The following RSRC1 variants were observed in gnomAD, a reference collection of about 807,000 sequenced individuals.
RSRC1 encodes serine/Arginine-related protein 53.
RSRC1 carries 39 observed loss-of-function variants against 49.1 expected under a neutral mutation model. The ratio of observed to expected loss-of-function variants is 0.79; its 90% CI spans 0.61 to 1.04. RSRC1 has a LOEUF of 1.04. RSRC1 is among the 50% of genes least tolerant of loss of function. The pLI is 0.00. For missense variants in RSRC1, 388 were observed against 402.4 expected (o/e 0.96, Z 0.31); for synonymous variants, 143 against 130.8 (o/e 1.09, Z -0.63).
At chr3:158,480,969 C>A (rs1225173710) in intron 7 of RSRC1, among the ~76,000 whole-genome samples, 1 of 151,876 alleles carries the variant, frequency 6.6e-6, no homozygotes, top group Non-Finnish European at 1.5e-5. Context: ...GAATCTAATT[C>A]AACAGAATTA....
Position 158,290,476 on chromosome 3 carries a change from C to T in RSRC1, c.495-7563C>T, listed in dbSNP as rs183966474. On this transcript the variant is annotated intron_variant, in intron 4 of 9. Coordinates refer to ENST00000611884, the MANE Select transcript of RSRC1 (RefSeq NM_001271838.2). ...TTTTTTAGTAGAGATGGGGTTTCAT[C>T]GTGTTAGCCAGGATGGTCTCGATTT... Among the ~76,000 whole-genome samples the T allele has an allele frequency of 1.8e-4, 28 of 152,160 alleles. No individual in the cohort carries two copies. In the East Asian group the frequency reaches 4.7e-3, roughly 25 times the overall value.
At chr3:158,521,905 A>G (rs1162057172) in intron 7 of RSRC1, among the ~76,000 whole-genome samples, 1 of 152,010 alleles carries the variant, frequency 6.6e-6, no homozygotes, top group African/African-American at 2.4e-5. Context: ...ATGGCTCTAT[A>G]TATGTCTCAG....
chr3:158,172,202 G>A (rs1718920107), intron 3 of RSRC1, among the ~76,000 whole-genome samples: 1 of 152,076 alleles, frequency 6.6e-6, no homozygotes, highest in Admixed American at 6.6e-5. Flanking sequence ...TACATTTTTA[G>A]ATTTAAGAAA....
chr3:158,370,733 G>A (rs974680709), intron 6 of RSRC1, among the ~76,000 whole-genome samples: 1 of 151,804 alleles, frequency 6.6e-6, no homozygotes, highest in African/African-American at 2.4e-5. Context: ...AAGTCTGTTG[G>A]AATACATGTT....
Position 158,416,147 on chromosome 3 carries a change from G to A in RSRC1, c.584-44788G>A, listed in dbSNP as rs932544520. ...ACCCTATTGATATTTTATATAAATCGATTTCCTTCATTTACTTTTTAGAGT... is the reference window on the plus strand; with the variant it reads ...ACCCTATTGATATTTTATATAAATCAATTTCCTTCATTTACTTTTTAGAGT... On this transcript the variant is annotated intron_variant, in intron 6 of 9. Coordinates refer to ENST00000611884, the MANE Select transcript of RSRC1 (RefSeq NM_001271838.2). Among the ~76,000 whole-genome samples the A allele has an allele frequency of 7.3e-5, 11 of 151,332 alleles. 1 individual carries two copies. Among genetic ancestry groups the A allele is most frequent in the South Asian group, 4.2e-4 (2 of 4,784 alleles).
intron 5 of RSRC1, among the ~76,000 whole-genome samples, chr3:158,325,852 T>A (rs1729099675): frequency 6.6e-6 from 1 of 152,216 alleles, no homozygotes; most frequent in Non-Finnish European, 1.5e-5. Context: ...TGATTCTTCC[T>A]ATCCATGAGC....
chr3:158,477,795 GATTTATATATATATAT>G lies in RSRC1; in HGVS notation c.652+16795_652+16810del, dbSNP rs1405221326. Reference sequence around the variant, plus strand: ...TGGTGATGGGATAGGTTGCGGGAGGGATTTATATATATATATATATATATATATATATGAAAGCCCT... The same window carrying G: ...TGGTGATGGGATAGGTTGCGGGAGGGATATATATATATATATGAAAGCCCT... On this transcript the variant is annotated intron_variant, in intron 7 of 9. Transcript: ENST00000611884. Among the ~76,000 whole-genome samples, 44 of 31,166 alleles carry G rather than the reference GATTTATATATATATAT, an allele frequency of 1.4e-3. 1 individual carries two copies. The highest frequency in any genetic ancestry group is 6.4e-3 in the African/African-American group (41 of 6,400). 20.4% of individuals were successfully genotyped at this position (31,166 alleles called of 152,430 possible).
At chr3:158,157,328 CATT>C (rs1442885151) in intron 3 of RSRC1, among the ~76,000 whole-genome samples, 2 of 152,144 alleles carry the variant, frequency 1.3e-5, no homozygotes, top group African/African-American at 4.8e-5. Flanking sequence ...GGTTTAGAAT[CATT>C]ATTTCCTGAT....
At position 158,412,416 on chromosome 3, in the gene RSRC1, C is replaced by A. The variant is rs1734509703; in HGVS notation, c.584-48519C>A. Reference sequence around the variant, plus strand: ...TTCCTTTTCTTGGCTAAAATTTTGCCTATTCTTTAAGACTCACTTCAAGTG... The same window carrying A: ...TTCCTTTTCTTGGCTAAAATTTTGCATATTCTTTAAGACTCACTTCAAGTG... On this transcript the variant is annotated intron_variant, in intron 6 of 9. Coordinates refer to ENST00000611884, the MANE Select transcript of RSRC1 (RefSeq NM_001271838.2). Among the ~76,000 whole-genome samples the A allele has an allele frequency of 2.6e-5, 4 of 152,116 alleles. No individual in the cohort carries two copies. The South Asian group carries it at 8.3e-4, about 32-fold the overall frequency.
intron 5 of RSRC1, among the ~76,000 whole-genome samples, chr3:158,302,135 T>C (rs2108125828): frequency 1.3e-5 from 2 of 151,946 alleles, no homozygotes; most frequent in South Asian, 4.1e-4. Context: ...TTATTAAGGG[T>C]CTGAGATTTT....
Position 158,169,848 on chromosome 3 carries a change from A to G in RSRC1, c.321-33224A>G, listed in dbSNP as rs1405868698. Among the ~76,000 whole-genome samples, 3 of 152,174 alleles carry G rather than the reference A, an allele frequency of 2.0e-5. No individual in the cohort carries two copies. In the East Asian group the frequency reaches 5.8e-4, roughly 29 times the overall value. ...CAGTGGCTACATAAAATAGTTGCTC[A>G]CCAGGTACTTGTCAGAGAATATAAT... is the stretch of plus-strand genomic sequence containing the variant. On this transcript the variant is annotated intron_variant, in intron 3 of 9. Coordinates refer to ENST00000611884, the MANE Select transcript of RSRC1 (RefSeq NM_001271838.2).
chr3:158,364,740 C>G (rs1286489415), intron 6 of RSRC1, among the ~76,000 whole-genome samples: 1 of 151,478 alleles, frequency 6.6e-6, no homozygotes, highest in Non-Finnish European at 1.5e-5. Flanking sequence ...ATTCCTAGCT[C>G]TCATCTTTAC....
chr3:158,375,986 C>G (rs1732337154), intron 6 of RSRC1, among the ~76,000 whole-genome samples: 1 of 128,534 alleles, frequency 7.8e-6, no homozygotes. Context: ...AAGGGTGACT[C>G]TCCACTGATT....
At chr3:158,426,087 C>T (rs1169846120) in intron 6 of RSRC1, among the ~76,000 whole-genome samples, 1 of 151,406 alleles carries the variant, frequency 6.6e-6, no homozygotes, top group Non-Finnish European at 1.5e-5. Flanking sequence ...ATGGAAATTT[C>T]AAAAGGCTTA....
At chr3:158,184,455 T>TA (rs1164544937) in intron 3 of RSRC1, among the ~76,000 whole-genome samples, 1 of 152,192 alleles carries the variant, frequency 6.6e-6, no homozygotes, top group Non-Finnish European at 1.5e-5. Flanking sequence ...TTCTCATTTA[T>TA]AAAATATGGT....
chr3:158,313,900 G>C (rs957931189), intron 5 of RSRC1, among the ~76,000 whole-genome samples: 3 of 152,154 alleles, frequency 2.0e-5, no homozygotes, highest in African/African-American at 7.2e-5. Context: ...TTGTGATTTA[G>C]ATAGCATTTT....
At chr3:158,382,044 C>G (rs919525459) in intron 6 of RSRC1, among the ~76,000 whole-genome samples, 1 of 152,072 alleles carries the variant, frequency 6.6e-6, no homozygotes, top group Non-Finnish European at 1.5e-5. Flanking sequence ...CAGCTTACAA[C>G]ACAAACACAT....
intron 4 of RSRC1, among the ~76,000 whole-genome samples, chr3:158,207,666 C>T (rs28708807): frequency 0.048 from 1,487 of 30,996 alleles, 20 homozygotes; most frequent in African/African-American, 0.16. Context: ...GATAGATAGA[C>T]AGAGAGACAG....
At chr3:158,172,583 C>A (rs1718939465) in intron 3 of RSRC1, among the ~76,000 whole-genome samples, 1 of 152,118 alleles carries the variant, frequency 6.6e-6, no homozygotes, top group Admixed American at 6.6e-5. Flanking sequence ...ATTTAGTTGA[C>A]CCTTCTAGGT....
Sources: gnomAD v4.1 joint callset for allele counts (sites outside exome capture counted in the v4.1 genomes callset) on GRCh38, gnomAD v4.1.1 for gene constraint, MANE v1.5 for transcripts, NCBI Gene and HGNC (gene_info 2026-07-23, HGNC 2026-07-21) for gene names.